Variants in ELMO1 observed in about 807,000 individuals in gnomAD.
The protein encoded by ELMO1 is engulfment and cell motility protein 1.
In ELMO1, 26 loss-of-function variants were observed where a neutral mutation model predicts 98.9. The ratio of observed to expected loss-of-function variants is 0.26; its 90% CI spans 0.19 to 0.36. The LOEUF (loss-of-function observed/expected upper bound fraction) is 0.36. ELMO1 is among the 10% of genes least tolerant of loss of function. The probability of loss-of-function intolerance (pLI) is 1.00; values close to 1 mark genes in which losing one functional copy is unlikely to be tolerated. For missense variants in ELMO1, 627 were observed against 935.2 expected, an observed-to-expected ratio of 0.67 and a Z score of 4.30; for synonymous variants, 346 against 346.0, an observed-to-expected ratio of 1.00 and a Z score of 0.00.
At chr7:37,256,761 G>A (rs550435242) in intron 6 of ELMO1, among the ~76,000 whole-genome samples, 3 of 114,526 alleles carry the variant, frequency 2.6e-5, no homozygotes, top group African/African-American at 7.6e-5. Flanking sequence ...GGAAGGGAAG[G>A]GAGAAGGGAG....
intron 1 of ELMO1, among the ~76,000 whole-genome samples, chr7:37,441,002 A>C (rs902726371): frequency 6.6e-6 from 1 of 150,804 alleles, no homozygotes; most frequent in African/African-American, 2.4e-5. Context: ...ACCAAAAACA[A>C]AAAAAAAATT....
chr7:37,152,388 T>C (rs945738903), intron 13 of ELMO1, among the ~76,000 whole-genome samples: 2 of 151,406 alleles, frequency 1.3e-5, no homozygotes, highest in Non-Finnish European at 2.9e-5. Context: ...TGAGAAAACC[T>C]GGGTGAGAGG....
At chr7:37,168,591 C>T (rs1443652116) in intron 13 of ELMO1, among the ~76,000 whole-genome samples, 2 of 152,148 alleles carry the variant, frequency 1.3e-5, no homozygotes, top group Non-Finnish European at 2.9e-5. Flanking sequence ...TTGGAGTTTG[C>T]TAGAGGTCCA....
At chr7:37,402,051 T>C (rs1803560668) in intron 1 of ELMO1, among the ~76,000 whole-genome samples, 2 of 152,236 alleles carry the variant, frequency 1.3e-5, no homozygotes, top group South Asian at 4.1e-4. Context: ...AGGTCTTTCG[T>C]TCCCTATGAA....
chr7:36,893,132 G>C (rs1805702222), intron 17 of ELMO1, among the ~76,000 whole-genome samples: 2 of 152,188 alleles, frequency 1.3e-5, no homozygotes, highest in Non-Finnish European at 2.9e-5. Flanking sequence ...GGCTTTAACG[G>C]AAGTGATTCC....
At chr7:37,172,203 T>C (rs1192912724) in intron 13 of ELMO1, among the ~76,000 whole-genome samples, 3 of 152,108 alleles carry the variant, frequency 2.0e-5, no homozygotes, top group Admixed American at 2.0e-4. Context: ...TTTAGATGGC[T>C]TCTCTTGTCA....
Position 36,855,440 on chromosome 7 carries a change from A to C in ELMO1, c.*111T>G, listed in dbSNP as rs1584254008. The C allele has an allele frequency of 1.4e-6, 2 of 1,388,472 alleles. No individual in the cohort carries two copies. The highest frequency in any genetic ancestry group is 2.0e-6 in the Non-Finnish European group (2 of 994,462). The allele number at this position is 1,388,472 out of a possible 1,614,324, so 86.0% of individuals were successfully genotyped here. A position where few individuals can be genotyped will look rare whatever the true frequency, so the allele number is the denominator to read the frequency against. On this transcript the variant is annotated 3_prime_UTR_variant, in exon 22 of 22. Coordinates refer to ENST00000310758, the MANE Select transcript of ELMO1 (RefSeq NM_014800.11). The surrounding 1 kb of genome is among the most constrained non-coding windows in gnomAD (Gnocchi z 4.2). Reference sequence around the variant, plus strand: ...GTGATGCTGAAGGGAATGTGGACCCACAGCTTCCCTTTACCAAAGGACGGT... The same window carrying C: ...GTGATGCTGAAGGGAATGTGGACCCCCAGCTTCCCTTTACCAAAGGACGGT...
chr7:37,157,797 A>G (rs1584735795), intron 13 of ELMO1, among the ~76,000 whole-genome samples: 2 of 152,264 alleles, frequency 1.3e-5, no homozygotes, highest in Admixed American at 6.5e-5. Context: ...AGAATTGGAA[A>G]AAACTACTTT....
At position 37,314,926 on chromosome 7, in the gene ELMO1, A is replaced by T; in HGVS notation, c.120-4T>A. The T allele has an allele frequency of 6.2e-7, 1 of 1,613,388 alleles. No homozygotes were observed. The highest frequency in any genetic ancestry group is 8.5e-7 in the Non-Finnish European group (1 of 1,179,696). ...TTCATGGTTGGCAAGAGACCACCTT[A>T]AAAATACAAGCGTATACTGATTAGA... On this transcript the variant is annotated splice_region_variant and splice_polypyrimidine_tract_variant and intron_variant, in intron 3 of 21. Coordinates refer to ENST00000310758, the MANE Select transcript of ELMO1 (RefSeq NM_014800.11).
intron 13 of ELMO1, among the ~76,000 whole-genome samples, chr7:37,171,785 C>T (rs183898820): frequency 6.6e-6 from 1 of 152,044 alleles, no homozygotes; most frequent in Admixed American, 6.6e-5. Context: ...AGCCACCACG[C>T]CTGGCCGCCT....
chr7:36,995,839 G>A (rs1792173132), intron 16 of ELMO1, among the ~76,000 whole-genome samples: 1 of 152,094 alleles, frequency 6.6e-6, no homozygotes, highest in African/African-American at 2.4e-5. Flanking sequence ...ATACAAATGA[G>A]ATAATCTACA....
rs371190852 is a variant in ELMO1, at chr7:37,397,109, A to T, written c.-74+51566T>A. Among the ~76,000 whole-genome samples the T allele has an allele frequency of 6.6e-5, 10 of 152,370 alleles. No homozygotes were observed. In the East Asian group the frequency reaches 1.9e-3, roughly 29 times the overall value. ...ATAGACAGCCACAGTCGTAAACTGTAATGAACAGGTTAGAATGTCTGCAAA... is the reference window on the plus strand; with the variant it reads ...ATAGACAGCCACAGTCGTAAACTGTTATGAACAGGTTAGAATGTCTGCAAA... On this transcript the variant is annotated intron_variant, in intron 1 of 21. Transcript: ENST00000310758.
intron 16 of ELMO1, among the ~76,000 whole-genome samples, chr7:36,908,844 G>T (rs945618958): frequency 6.6e-6 from 1 of 152,168 alleles, no homozygotes. Context: ...CCTCCTATCT[G>T]CTAGAGGCAA....
intron 15 of ELMO1, among the ~76,000 whole-genome samples, chr7:37,059,794 T>C (rs1207628888): frequency 6.6e-6 from 1 of 152,204 alleles, no homozygotes; most frequent in Non-Finnish European, 1.5e-5. Context: ...GCCTTTCATT[T>C]TCTCATTAGA....
intron 1 of ELMO1, among the ~76,000 whole-genome samples, chr7:37,371,341 A>G (rs1017442556): frequency 6.6e-6 from 1 of 152,260 alleles, no homozygotes; most frequent in African/African-American, 2.4e-5. Context: ...CTTAGGCTGC[A>G]TGATGGGTAC....
At chr7:36,869,610 A>C (rs913064640) in intron 20 of ELMO1, among the ~76,000 whole-genome samples, 14 of 152,320 alleles carry the variant, frequency 9.2e-5, no homozygotes, top group Non-Finnish European at 1.5e-4. Flanking sequence ...TTTGTTCATG[A>C]ATGGTATAGA....
intron 16 of ELMO1, among the ~76,000 whole-genome samples, chr7:36,926,501 C>G (rs370803394): frequency 6.6e-6 from 1 of 152,056 alleles, no homozygotes; most frequent in South Asian, 2.1e-4. Flanking sequence ...AAGTGACCCC[C>G]CCAACTGAGG....
At chr7:36,961,657 T>C in intron 16 of ELMO1, among the ~76,000 whole-genome samples, 1 of 152,248 alleles carries the variant, frequency 6.6e-6, no homozygotes, top group Non-Finnish European at 1.5e-5. Context: ...AATGGTTTGA[T>C]ATTTATGAAT....
chr7:37,337,370 C>CAATA (rs1289429048), intron 2 of ELMO1, among the ~76,000 whole-genome samples: 2 of 151,692 alleles, frequency 1.3e-5, no homozygotes, highest in African/African-American at 4.9e-5. Flanking sequence ...ACACCGGGGC[C>CAATA]TCTTGTGGGG....
Sources: allele counts gnomAD v4.1 joint callset (sites outside exome capture counted in the v4.1 genomes callset), GRCh38; gene constraint gnomAD v4.1.1; non-coding constraint Gnocchi (gnomAD v3.1); transcripts MANE v1.5; gene names NCBI Gene and HGNC (gene_info 2026-07-23, HGNC 2026-07-21).